The following WIF1 variants were observed in gnomAD, a reference collection of about 807,000 sequenced individuals.
The protein encoded by WIF1 is Wnt inhibitory factor 1.
A neutral mutation model predicts 53.5 loss-of-function variants in WIF1; 35 were observed. The ratio of observed to expected loss-of-function variants is 0.65; its 90% CI spans 0.50 to 0.87. WIF1 has a LOEUF of 0.87. Ranked by LOEUF, WIF1 falls within the 40% of genes least tolerant of loss-of-function variation. WIF1 has a pLI of 0.00. For synonymous variants in WIF1, 171 were observed against 170.4 expected (o/e 1.00, Z -0.03); for missense variants, 467 against 476.8 (o/e 0.98, Z 0.19).
intron 2 of WIF1, among the ~76,000 whole-genome samples, chr12:65,103,505 A>G (rs1883310761): frequency 6.6e-6 from 1 of 152,222 alleles, no homozygotes; most frequent in Non-Finnish European, 1.5e-5. Context: ...AAGCCTGCAG[A>G]TAACTGAGAA....
In WIF1 at chr12:65,051,276, G is replaced by C; in HGVS notation, c.*73C>G. 6.6e-7 allele frequency: 1 copy of C among 1,520,698 alleles called. No homozygotes were observed. Among genetic ancestry groups the C allele is most frequent in the South Asian group, 1.3e-5 (1 of 76,714 alleles). The allele number at this position is 1,520,698 out of a possible 1,614,324, so 94.2% of individuals were successfully genotyped here. ...TTCTTAAGTGTAATGAACATTATTT[G>C]AACATTCAACACATGAAAGGTTAAC... On this transcript the variant is annotated 3_prime_UTR_variant, in exon 10 of 10. Coordinates refer to ENST00000286574, the MANE Select transcript of WIF1 (RefSeq NM_007191.5).
At chr12:65,099,697 T>C (rs1883252057) in intron 2 of WIF1, among the ~76,000 whole-genome samples, 1 of 152,210 alleles carries the variant, frequency 6.6e-6, no homozygotes, top group Non-Finnish European at 1.5e-5. Flanking sequence ...TCCTCTTGGA[T>C]ATACAGCTCT....
chr12:65,068,686 T>C, intron 4 of WIF1, 78 bp downstream of exon 4: 5 of 1,363,400 alleles, frequency 3.7e-6, no homozygotes, highest in Non-Finnish European at 5.1e-6. Flanking sequence ...TGTGTGTGTG[T>C]ATAGATATAA....
chr12:65,069,554 T>C (rs2136616581), intron 3 of WIF1, among the ~76,000 whole-genome samples: 1 of 152,328 alleles, frequency 6.6e-6, no homozygotes, highest in Admixed American at 6.5e-5. Flanking sequence ...GAAGTGTCCA[T>C]ATCTCAGGCA....
intron 2 of WIF1, among the ~76,000 whole-genome samples, chr12:65,117,194 C>A (rs1359196957): frequency 6.6e-6 from 1 of 152,030 alleles, no homozygotes; most frequent in African/African-American, 2.4e-5. Context: ...TTATTTATAT[C>A]CATGCTTATT....
chr12:65,102,587 T>A lies in WIF1; in HGVS notation c.288+17830A>T, dbSNP rs116896536. On this transcript the variant is annotated intron_variant, in intron 2 of 9. Coordinates refer to ENST00000286574, the MANE Select transcript of WIF1 (RefSeq NM_007191.5). ...TCAAAGACACACACAGAATAATGTA[T>A]GTGACCAAATTGTCTGGGCACCCCA... Among the ~76,000 whole-genome samples, 669 of 152,324 alleles carry A rather than the reference T, an allele frequency of 4.4e-3. 2 individuals carry two copies. The highest frequency in any genetic ancestry group is 7.4e-3 in the Non-Finnish European group (505 of 68,026).
At chr12:65,091,220 C>A (rs1005183659) in intron 2 of WIF1, among the ~76,000 whole-genome samples, 13 of 150,952 alleles carry the variant, frequency 8.6e-5, no homozygotes, top group South Asian at 2.1e-4. Context: ...AGGGCAAAAA[C>A]CTAGTTTCTT....
intron 2 of WIF1, among the ~76,000 whole-genome samples, chr12:65,082,342 T>C (rs965202223): frequency 3.9e-5 from 6 of 152,126 alleles, no homozygotes; most frequent in African/African-American, 1.4e-4. Context: ...AATAGAGAAA[T>C]GGTATACTGG....
Position 65,120,440 on chromosome 12 carries a change from A to T in WIF1, c.265T>A (p.Phe89Ile). ...ACCTGCCCTGCAGCTTGCCAGGTAA[A>T]ATTCATGGAATGGATATTGACAGGA... ...AIPVNIHSMN[F>I]TWQAAGQAEY... Residue 89 changes from phenylalanine (F) to isoleucine (I), a missense_variant, in exon 2 of 10, where the codon TTT (phenylalanine) becomes ATT (isoleucine). Phe to Ile is a conservative substitution (Grantham distance 21). Coordinates refer to ENST00000286574, the MANE Select transcript of WIF1 (RefSeq NM_007191.5). The T allele has an allele frequency of 6.2e-7, 1 of 1,613,346 alleles. No homozygotes were observed. Among genetic ancestry groups the T allele is most frequent in the Non-Finnish European group, 8.5e-7 (1 of 1,179,860 alleles).
intron 7 of WIF1, among the ~76,000 whole-genome samples, chr12:65,061,549 G>T (rs1223126800): frequency 6.6e-6 from 1 of 152,172 alleles, no homozygotes; most frequent in Non-Finnish European, 1.5e-5. Context: ...TCATTTCTGA[G>T]TTAAAGAGAG....
intron 2 of WIF1, among the ~76,000 whole-genome samples, chr12:65,088,911 G>T (rs6581607): frequency 6.6e-6 from 1 of 152,234 alleles, no homozygotes; most frequent in Non-Finnish European, 1.5e-5. Context: ...TCATCACATT[G>T]TCAAAAGAAT....
intron 2 of WIF1, among the ~76,000 whole-genome samples, chr12:65,086,284 C>T (rs931642221): frequency 3.3e-5 from 5 of 152,082 alleles, no homozygotes; most frequent in Admixed American, 6.6e-5. Flanking sequence ...CTGAAAACTT[C>T]TGTTCCCCTC....
chr12:65,116,144 A>G (rs1168697197), intron 2 of WIF1, among the ~76,000 whole-genome samples: 3 of 152,190 alleles, frequency 2.0e-5, no homozygotes, highest in African/African-American at 7.2e-5. Context: ...AATTTTTTCT[A>G]TATCTGCCAA....
At chr12:65,082,433 G>A (rs1175815943) in intron 2 of WIF1, among the ~76,000 whole-genome samples, 1 of 152,122 alleles carries the variant, frequency 6.6e-6, no homozygotes, top group Non-Finnish European at 1.5e-5. Flanking sequence ...AAGGCAAACA[G>A]AGTAATTATT....
At chr12:65,072,250 G>A (rs1882795979) in intron 3 of WIF1, among the ~76,000 whole-genome samples, 1 of 152,096 alleles carries the variant, frequency 6.6e-6, no homozygotes. Flanking sequence ...ACACCCAGGT[G>A]CTTGGAATGT....
intron 2 of WIF1, among the ~76,000 whole-genome samples, chr12:65,097,648 A>G (rs538389027): frequency 6.6e-6 from 1 of 152,264 alleles, no homozygotes; most frequent in African/African-American, 2.4e-5. Flanking sequence ...ATACTAGTCT[A>G]CGTTTCTTTT....
intron 2 of WIF1, among the ~76,000 whole-genome samples, chr12:65,087,176 A>G (rs1234856205): frequency 6.6e-6 from 1 of 151,960 alleles, no homozygotes; most frequent in African/African-American, 2.4e-5. Context: ...CAAAACAAAA[A>G]TCCTAAGCAA....
chr12:65,118,548 G>C (rs1883547313), intron 2 of WIF1, among the ~76,000 whole-genome samples: 1 of 152,168 alleles, frequency 6.6e-6, no homozygotes, highest in Admixed American at 6.5e-5. Context: ...GAGAAAGGTA[G>C]CTTAATTGAG....
At chr12:65,083,467 C>G (rs1882978460) in intron 2 of WIF1, among the ~76,000 whole-genome samples, 1 of 152,162 alleles carries the variant, frequency 6.6e-6, no homozygotes, top group African/African-American at 2.4e-5. Context: ...TCTTCTGATT[C>G]TCATATCACT....
Sources: allele counts gnomAD v4.1 joint callset (sites outside exome capture counted in the v4.1 genomes callset), GRCh38; gene constraint gnomAD v4.1.1; transcripts MANE v1.5; gene names NCBI Gene and HGNC (gene_info 2026-07-23, HGNC 2026-07-21).